NCOA1: variants seen among roughly 807,000 people sequenced by gnomAD.
The protein encoded by NCOA1 is nuclear receptor coactivator 1.
A neutral mutation model predicts 150.9 loss-of-function variants in NCOA1; 35 were observed. That is an observed-to-expected ratio of 0.23 (90% CI 0.18 to 0.31). The LOEUF is 0.31. NCOA1 is among the 10% of genes least tolerant of loss of function. The pLI is 1.00. For synonymous variants in NCOA1, 590 were observed against 630.0 expected (o/e 0.94, Z 0.95); for missense variants, 1,491 against 1,749.3 (o/e 0.85, Z 2.63).
intron 1 of NCOA1, among the ~76,000 whole-genome samples, chr2:24,563,522 CT>C (rs1258979407): frequency 2.2e-3 from 322 of 144,738 alleles, no homozygotes; most frequent in Non-Finnish European, 2.2e-3. Context: ...AAATCTCTCT[CT>C]TTTTTTTTTT....
intron 1 of NCOA1, among the ~76,000 whole-genome samples, chr2:24,540,940 G>T (rs10432678): frequency 1.5e-3 from 227 of 152,082 alleles, no homozygotes; most frequent in Middle Eastern, 6.8e-3. Flanking sequence ...TGGAGAGATG[G>T]TATTGCCAGA....
At chr2:24,520,429 C>A (rs563258302) in intron 1 of NCOA1, among the ~76,000 whole-genome samples, 4 of 152,236 alleles carry the variant, frequency 2.6e-5, no homozygotes, top group Non-Finnish European at 5.9e-5. Flanking sequence ...AATGAAATAA[C>A]CATATGCCCA....
At position 24,570,370 on chromosome 2, in the gene NCOA1, G is replaced by C. The variant is rs138690605; in HGVS notation, c.-260+5940G>C. On this transcript the variant is annotated intron_variant, in intron 2 of 22. Transcript: ENST00000348332. ...ATTGAATGGGCTCTGGTTGGCCAAA[G>C]AAGATGAGACAATCTGAGCATCAGT... is the stretch of plus-strand genomic sequence containing the variant. 3.9e-5 allele frequency among the ~76,000 whole-genome samples: 6 copies of C among 152,264 alleles called. No homozygotes were observed. The East Asian group carries it at 1.2e-3, about 29-fold the overall frequency.
intron 20 of NCOA1, among the ~76,000 whole-genome samples, 186 bp from the exon 21 acceptor site, chr2:24,757,787 G>A (rs1413875367): frequency 2.6e-5 from 4 of 152,014 alleles, no homozygotes; most frequent in Non-Finnish European, 5.9e-5. Flanking sequence ...GCTCTTTTCA[G>A]TTATTTAATC....
At chr2:24,588,581 A>G (rs1237671201) in intron 3 of NCOA1, among the ~76,000 whole-genome samples, 1 of 152,082 alleles carries the variant, frequency 6.6e-6, no homozygotes, top group Non-Finnish European at 1.5e-5. Flanking sequence ...TCAGACAAAG[A>G]CTTTAGACTC....
At chr2:24,577,611 A>T (rs1572441707) in intron 2 of NCOA1, among the ~76,000 whole-genome samples, 1 of 152,282 alleles carries the variant, frequency 6.6e-6, no homozygotes, top group East Asian at 1.9e-4. Flanking sequence ...TCATGGTTTC[A>T]GTTTTTTTAT....
chr2:24,668,749 C>T (rs1455949605), intron 6 of NCOA1, among the ~76,000 whole-genome samples: 5 of 151,870 alleles, frequency 3.3e-5, no homozygotes, highest in Non-Finnish European at 7.4e-5. Context: ...TAGAAAATAG[C>T]CAGTCCTAGT....
chr2:24,630,813 TAAAA>T lies in NCOA1; in HGVS notation c.-174-13149_-174-13146del, dbSNP rs11426936. On this transcript the variant is annotated intron_variant, in intron 3 of 22. Coordinates refer to ENST00000348332, the MANE Select transcript of NCOA1 (RefSeq NM_003743.5). ...AAATCACTTTTTTTAAAGTGAAAGA[TAAAA>T]AAACAAGTAAATATTGCTATTCTAT... Among the ~76,000 whole-genome samples, 628 of 152,182 alleles carry T rather than the reference TAAAA, an allele frequency of 4.1e-3. 3 individuals are homozygous for T. Among genetic ancestry groups the T allele is most frequent in the Middle Eastern group, 0.01 (3 of 294 alleles).
intron 3 of NCOA1, among the ~76,000 whole-genome samples, chr2:24,612,656 C>T (rs555092071): frequency 8.2e-4 from 124 of 152,018 alleles, no homozygotes; most frequent in Admixed American, 1.5e-3. Flanking sequence ...CTCTGAAATT[C>T]TTTCTTCTGC....
intron 4 of NCOA1, among the ~76,000 whole-genome samples, chr2:24,655,383 T>G (rs1670890509): frequency 6.6e-6 from 1 of 152,196 alleles, no homozygotes; most frequent in Non-Finnish European, 1.5e-5. Context: ...ATAATTTTAT[T>G]TATATGTAGA....
chr2:24,620,704 A>G (rs944292103), intron 3 of NCOA1, among the ~76,000 whole-genome samples: 11 of 151,434 alleles, frequency 7.3e-5, no homozygotes, highest in Admixed American at 4.6e-4. Context: ...GTATGTTTTT[A>G]AAGTGTTTTG....
In NCOA1 at chr2:24,754,627, T is replaced by G. The variant is rs1363615904; in HGVS notation, c.3881+2471T>G. Among the ~76,000 whole-genome samples the G allele has an allele frequency of 3.3e-5, 5 of 152,312 alleles. 1 individual carries two copies. The South Asian group carries it at 6.2e-4, about 19-fold the overall frequency. ...GACCACCATTTCTGAAATAATAGCA[T>G]TTTCTACCCCTGGCGCCTCCTTTCC... On this transcript the variant is annotated intron_variant, in intron 20 of 22. Transcript: ENST00000348332.
At chr2:24,748,740 A>G (rs1397027281) in intron 19 of NCOA1, among the ~76,000 whole-genome samples, 1 of 152,160 alleles carries the variant, frequency 6.6e-6, no homozygotes, top group African/African-American at 2.4e-5. Flanking sequence ...AGAGAAAAAA[A>G]TCATTATATT....
At chr2:24,745,598 C>T (rs566418601) in intron 19 of NCOA1, among the ~76,000 whole-genome samples, 1 of 152,240 alleles carries the variant, frequency 6.6e-6, no homozygotes, top group Admixed American at 6.5e-5. Flanking sequence ...AATCCTCTTC[C>T]ACCTATTCCT....
intron 3 of NCOA1, among the ~76,000 whole-genome samples, chr2:24,587,026 C>T (rs1667442371): frequency 1.3e-5 from 2 of 151,812 alleles, no homozygotes; most frequent in Non-Finnish European, 2.9e-5. Flanking sequence ...ACAGGTTTCT[C>T]TTAGGCTTTC....
At chr2:24,521,745 C>G (rs889792255) in intron 1 of NCOA1, among the ~76,000 whole-genome samples, 13 of 152,138 alleles carry the variant, frequency 8.5e-5, no homozygotes, top group African/African-American at 3.1e-4. Context: ...GATGTATACC[C>G]AGAAGTAGGA....
intron 1 of NCOA1, among the ~76,000 whole-genome samples, chr2:24,543,390 C>G (rs1260912374): frequency 6.6e-6 from 1 of 152,142 alleles, no homozygotes; most frequent in African/African-American, 2.4e-5. Flanking sequence ...CCCCATGACC[C>G]AAACACCTTC....
intron 1 of NCOA1, among the ~76,000 whole-genome samples, chr2:24,538,364 G>T (rs1665252216): frequency 6.6e-6 from 1 of 152,162 alleles, no homozygotes; most frequent in Admixed American, 6.5e-5. Flanking sequence ...TATTAAGATG[G>T]TATTATCCTT....
intron 1 of NCOA1, among the ~76,000 whole-genome samples, chr2:24,497,195 C>G (rs1281588849): frequency 6.6e-6 from 1 of 151,946 alleles, no homozygotes; most frequent in Non-Finnish European, 1.5e-5. Flanking sequence ...GAGTGGAAAT[C>G]ATATTCATAC....
Sources: gnomAD v4.1 joint callset for allele counts (sites outside exome capture counted in the v4.1 genomes callset) on GRCh38, gnomAD v4.1.1 for gene constraint, MANE v1.5 for transcripts, NCBI Gene and HGNC (gene_info 2026-07-23, HGNC 2026-07-21) for gene names.